The following MIS18BP1 variants were observed in gnomAD, a reference collection of about 807,000 sequenced individuals.
MIS18BP1 encodes the protein mis18-binding protein 1.
In MIS18BP1, 72 loss-of-function variants were observed where a neutral mutation model predicts 116.1. The ratio of observed to expected loss-of-function variants is 0.62; its 90% confidence interval spans 0.51 to 0.75. The LOEUF is 0.75. Among genes scored for constraint, MIS18BP1 ranks in the 30% least tolerant of loss-of-function variants. The pLI, the probability that MIS18BP1 is intolerant of heterozygous loss-of-function variation, is 0.00. For missense variants in MIS18BP1, 1,363 were observed against 1,303.2 expected, an observed-to-expected ratio of 1.05 and a Z score of -0.71; for synonymous variants, 386 against 427.0, an observed-to-expected ratio of 0.90 and a Z score of 1.18.
intron 12 of MIS18BP1, 107 bp from the exon 13 acceptor site, chr14:45,217,286 A>G: frequency 7.6e-7 from 1 of 1,315,178 alleles, no homozygotes; most frequent in Non-Finnish European, 1.0e-6. Flanking sequence ...ATGTTAAAAA[A>G]AAACCAAAAA....
intron 14 of MIS18BP1, 144 bp from the exon 15 acceptor site, chr14:45,206,314 T>C (rs1420526846): frequency 1.7e-6 from 1 of 603,242 alleles, no homozygotes; most frequent in African/African-American, 1.9e-5. Context: ...TGAAACAGGG[T>C]CTCACTCTGT....
At chr14:45,248,746 C>T (rs1891790735) in intron 1 of MIS18BP1, among the ~76,000 whole-genome samples, 2 of 152,100 alleles carry the variant, frequency 1.3e-5, no homozygotes, top group African/African-American at 4.8e-5. Flanking sequence ...TTACAACAGC[C>T]AACAAAGAAG....
Position 45,218,388 on chromosome 14 carries a change from A to G in MIS18BP1, c.2736T>C (p.Ser912=). The G allele has an allele frequency of 6.2e-7, 1 of 1,614,026 alleles. No individual in the cohort carries two copies. The highest frequency in any genetic ancestry group is 1.1e-5 in the South Asian group (1 of 91,074). Residue 912 remains serine, a synonymous_variant, in exon 12 of 17, where the codon TCT becomes TCC. Coordinates refer to ENST00000310806, the MANE Select transcript of MIS18BP1 (RefSeq NM_018353.5). The stretch of plus-strand genomic sequence containing the variant: ...TCCTCTGGCATTCTTCAGGAGATCG[A>G]GAACCTACAGCCGCAGCTACCTCTG... ...FWSEVAAAVG[S]RSPEECQRKY...
At chr14:45,205,042 C>G (rs187231582) in intron 15 of MIS18BP1, among the ~76,000 whole-genome samples, 1 of 152,014 alleles carries the variant, frequency 6.6e-6, no homozygotes, top group Non-Finnish European at 1.5e-5. Flanking sequence ...CATTACAATG[C>G]TTATCAAACT....
At chr14:45,212,462 C>A (rs913928155) in intron 13 of MIS18BP1, among the ~76,000 whole-genome samples, 2 of 152,134 alleles carry the variant, frequency 1.3e-5, no homozygotes, top group Non-Finnish European at 2.9e-5. Context: ...CCCCACCCCC[C>A]ACCAGGAATG....
intron 2 of MIS18BP1, 115 bp from the exon 3 acceptor site, chr14:45,242,989 G>C (rs1474828756): frequency 6.3e-6 from 4 of 639,232 alleles, no homozygotes; most frequent in Non-Finnish European, 7.9e-6. Flanking sequence ...GATCAGACCA[G>C]TATAGTACTT....
At chr14:45,238,578 C>G (rs1391099425) in intron 4 of MIS18BP1, among the ~76,000 whole-genome samples, 4 of 152,028 alleles carry the variant, frequency 2.6e-5, no homozygotes, top group Admixed American at 6.5e-5. Flanking sequence ...ACCTGTAATC[C>G]CAGAACTTTG....
chr14:45,217,724 C>A (rs1293177939), intron 12 of MIS18BP1, among the ~76,000 whole-genome samples: 7 of 151,918 alleles, frequency 4.6e-5, no homozygotes, highest in Non-Finnish European at 1.0e-4. Context: ...GCATGAGCCA[C>A]CGTGCCTGGC....
chr14:45,235,817 C>A lies in MIS18BP1; in HGVS notation c.1345G>T (p.Ala449Ser). 6.3e-7 allele frequency: 1 copy of A among 1,595,786 alleles called. No homozygotes were observed. The highest frequency in any genetic ancestry group is 1.8e-5 in the Admixed American group (1 of 54,596). ...ATCAATAATGACAGTCATTTACCTG[C>A]TTCTTTCATGGAAATTTGGTCTATC... ...GMIDQISMKE[A>S]GYPNYLIRKF... is the part of the protein sequence containing the mutation. Residue 449 changes from alanine to serine, a missense_variant, in exon 6 of 17, where the codon GCA becomes TCA. Ala to Ser is a moderately conservative substitution (Grantham distance 99, BLOSUM62 1). Coordinates refer to ENST00000310806, the MANE Select transcript of MIS18BP1 (RefSeq NM_018353.5).
At chr14:45,225,654 C>T (rs1469847028) in intron 10 of MIS18BP1, among the ~76,000 whole-genome samples, 1 of 152,022 alleles carries the variant, frequency 6.6e-6, no homozygotes, top group African/African-American at 2.4e-5. Flanking sequence ...ACAAAACAAG[C>T]AAAAGAGAAC....
intron 2 of MIS18BP1, among the ~76,000 whole-genome samples, chr14:45,245,835 C>T (rs1162593875): frequency 6.6e-6 from 1 of 152,170 alleles, no homozygotes; most frequent in Admixed American, 6.5e-5. Context: ...ACCTTGATCA[C>T]TTCTCTAAAT....
Position 45,235,794 on chromosome 14 carries a change from CAAT to C in MIS18BP1, c.1348+17_1348+19del. ...TGCTTTACTTCTTAAAATAACTTAT[CAAT>C]AATGACAGTCATTTACCTGCTTCTT... On this transcript the variant is annotated intron_variant, in intron 6 of 16. Transcript: ENST00000310806. 6.4e-7 allele frequency: 1 copy of C among 1,571,532 alleles called. No individual in the cohort carries two copies. Among genetic ancestry groups the C allele is most frequent in the East Asian group, 2.3e-5 (1 of 44,246 alleles).
At position 45,242,097 on chromosome 14, in the gene MIS18BP1, A is replaced by G. The variant is rs766556742; in HGVS notation, c.1080T>C (p.Asn360=). ...HITIPRRSKR[N]ISKLSPPRIF... ...TTCTTGGAGGAGAAAGCTTTGAAAT[A>G]TTTCTTTTTGACCTCCGAGGTATTG... The change falls in exon 4 of 17, where the codon AAT becomes AAC. Residue 360 remains asparagine (N), a synonymous_variant. Coordinates refer to ENST00000310806, the MANE Select transcript of MIS18BP1 (RefSeq NM_018353.5). 5.0e-6 allele frequency: 8 copies of G among 1,613,608 alleles called. No individual in the cohort carries two copies. The African/African-American group carries it at 8.0e-5, about 16-fold the overall frequency.
Position 45,224,299 on chromosome 14 carries a change from T to C in MIS18BP1, c.2288A>G (p.Tyr763Cys). 6.2e-7 allele frequency: 1 copy of C among 1,613,926 alleles called. No individual in the cohort carries two copies. The highest frequency in any genetic ancestry group is 8.5e-7 in the Non-Finnish European group (1 of 1,179,950). Residue 763 changes from tyrosine to cysteine, a missense_variant, in exon 11 of 17, where the codon TAT becomes TGT. Transcript: ENST00000310806. ...CAAATCTGGTGAGGACTGATGCTTATAAAATGACATAGCTACCTGATTTTC... is the reference window on the plus strand; with the variant it reads ...CAAATCTGGTGAGGACTGATGCTTACAAAATGACATAGCTACCTGATTTTC... ...KIENQVAMSF[Y>C]KHQSSPDLSS...
At chr14:45,236,461 A>C (rs1891431429) in intron 5 of MIS18BP1, among the ~76,000 whole-genome samples, 1 of 152,206 alleles carries the variant, frequency 6.6e-6, no homozygotes, top group South Asian at 2.1e-4. Context: ...CTGACCCATA[A>C]ATCTATTCTT....
intron 7 of MIS18BP1, 115 bp from the exon 8 acceptor site, chr14:45,231,413 G>A: frequency 1.1e-6 from 1 of 888,522 alleles, no homozygotes; most frequent in East Asian, 2.7e-5. Flanking sequence ...CACCCAGGCA[G>A]GGTATCTTTA....
chr14:45,240,512 T>C (rs1173574332), intron 4 of MIS18BP1, among the ~76,000 whole-genome samples: 4 of 152,050 alleles, frequency 2.6e-5, no homozygotes, highest in South Asian at 4.2e-4. Flanking sequence ...TTAAATTCCA[T>C]CTCTATGCTG....
At chr14:45,227,943 G>A (rs770684736) in intron 8 of MIS18BP1, 129 bp from the exon 9 acceptor site, 61 of 843,424 alleles carry the variant, frequency 7.2e-5, no homozygotes, top group Non-Finnish European at 9.7e-5. Context: ...CTGGGAGGCC[G>A]AGGGAGGAGG....
intron 14 of MIS18BP1, chr14:45,210,144 C>T: frequency 2.9e-6 from 1 of 343,258 alleles, no homozygotes; most frequent in Non-Finnish European, 5.2e-6. Flanking sequence ...CAAGTAAAAC[C>T]TTGATCCATT....
Sources: allele counts gnomAD v4.1 joint callset (sites outside exome capture counted in the v4.1 genomes callset), GRCh38; gene constraint gnomAD v4.1.1; transcripts MANE v1.5; gene names NCBI Gene and HGNC (gene_info 2026-07-23, HGNC 2026-07-21).